SLC25A13: variants seen among roughly 807,000 people sequenced by gnomAD.
SLC25A13 encodes solute carrier family 25 member 13, also known as electrogenic aspartate/glutamate antiporter SLC25A13, mitochondrial.
In SLC25A13, 70 loss-of-function variants were observed where a neutral mutation model predicts 85.5. The observed-to-expected ratio is 0.82, with a 90% CI of 0.68 to 1.00. SLC25A13 has a LOEUF of 1.00. Among genes scored for constraint, SLC25A13 ranks in the 50% least tolerant of loss-of-function variants. The pLI is 0.00. For synonymous variants in SLC25A13, 259 were observed against 288.7 expected, an observed-to-expected ratio of 0.90 and a Z score of 1.04; for missense variants, 765 against 819.8, an observed-to-expected ratio of 0.93 and a Z score of 0.82.
intron 14 of SLC25A13, among the ~76,000 whole-genome samples, chr7:96,135,768 A>G (rs567249706): frequency 1.3e-5 from 2 of 152,164 alleles, no homozygotes; most frequent in Admixed American, 1.3e-4. Flanking sequence ...TGGCCATTTG[A>G]GAATTAATAA....
At chr7:96,209,994 T>C (rs1795627202) in intron 4 of SLC25A13, among the ~76,000 whole-genome samples, 1 of 152,220 alleles carries the variant, frequency 6.6e-6, no homozygotes, top group South Asian at 2.1e-4. Flanking sequence ...GAAAGTTATT[T>C]AGTCCTCTGA....
intron 2 of SLC25A13, among the ~76,000 whole-genome samples, chr7:96,284,165 A>AG (rs1798799158): frequency 6.6e-6 from 1 of 152,142 alleles, no homozygotes; most frequent in Non-Finnish European, 1.5e-5. Flanking sequence ...ATAGCAGGTA[A>AG]GGGAAAAAAC....
At chr7:96,203,259 G>A (rs781500004) in intron 5 of SLC25A13, among the ~76,000 whole-genome samples, 27 of 152,094 alleles carry the variant, frequency 1.8e-4, no homozygotes, top group Non-Finnish European at 3.5e-4. Flanking sequence ...TCGCAATTTA[G>A]GATGCTTATT....
intron 3 of SLC25A13, among the ~76,000 whole-genome samples, chr7:96,272,139 C>T (rs1457579397): frequency 3.3e-5 from 5 of 152,142 alleles, no homozygotes; most frequent in Admixed American, 6.6e-5. Context: ...CCGCCTGCCT[C>T]GGCATCCCAA....
intron 4 of SLC25A13, among the ~76,000 whole-genome samples, chr7:96,211,207 A>AG (rs1390583766): frequency 6.6e-6 from 1 of 152,196 alleles, no homozygotes; most frequent in African/African-American, 2.4e-5. Flanking sequence ...ACTTCTTACT[A>AG]GAGCTCACAT....
chr7:96,121,357 G>A lies in SLC25A13; in HGVS notation c.1862C>T (p.Pro621Leu). The change falls in exon 18 of 18, where the codon CCA becomes CTA. Residue 621 changes from proline to leucine, a missense_variant. Coordinates refer to ENST00000265631, the MANE Select transcript of SLC25A13 (RefSeq NM_014251.3). ...CAGGTTGATCCTGGATTTAGGAACT[G>A]GCTCTGATCCCATGGGTTTTCTAAA... is the stretch of plus-strand genomic sequence containing the variant. ...FGGVKPMGSEPVPKSRINLPA... is the reference protein window; with the variant it reads ...FGGVKPMGSELVPKSRINLPA... 1 of 1,614,172 alleles carries A rather than the reference G, an allele frequency of 6.2e-7. No individual in the cohort carries two copies. Among genetic ancestry groups the A allele is most frequent in the Non-Finnish European group, 8.5e-7 (1 of 1,180,028 alleles).
intron 4 of SLC25A13, among the ~76,000 whole-genome samples, chr7:96,210,673 A>C (rs963353146): frequency 7.9e-5 from 12 of 152,172 alleles, no homozygotes; most frequent in African/African-American, 2.7e-4. Flanking sequence ...TGTAGGAAGC[A>C]GGCCCAATAA....
chr7:96,163,555 A>G (rs908957277), intron 13 of SLC25A13, among the ~76,000 whole-genome samples: 2 of 152,244 alleles, frequency 1.3e-5, no homozygotes, highest in African/African-American at 4.8e-5. Context: ...ATTATTTGTT[A>G]TGCAGCAATA....
At chr7:96,124,217 G>A (rs926277347) in intron 15 of SLC25A13, among the ~76,000 whole-genome samples, 1 of 152,124 alleles carries the variant, frequency 6.6e-6, no homozygotes, top group Non-Finnish European at 1.5e-5. Flanking sequence ...ACAAGTCATC[G>A]TTAATTTTTA....
intron 14 of SLC25A13, among the ~76,000 whole-genome samples, chr7:96,136,093 C>T (rs1031543215): frequency 4.6e-5 from 7 of 152,094 alleles, no homozygotes; most frequent in Non-Finnish European, 7.4e-5. Flanking sequence ...GGTAGACCTA[C>T]GTTATAAACT....
At position 96,277,255 on chromosome 7, in the gene SLC25A13, G is replaced by A. The variant is rs1584551771; in HGVS notation, c.153C>T (p.Ser51=). The change falls in exon 3 of 18, where the codon AGC becomes AGT. Residue 51 remains serine, a synonymous_variant. Transcript: ENST00000265631. ...VTRYLNIFGE[S]QPNPKTVELL... is the part of the protein sequence containing the mutation. Reference sequence around the variant, plus strand: ...GTTCCACAGTCTTTGGATTAGGCTGGCTTTCTCCAAAAATGTTCAAGTATC... The same window carrying A: ...GTTCCACAGTCTTTGGATTAGGCTGACTTTCTCCAAAAATGTTCAAGTATC... The A allele has an allele frequency of 6.2e-7, 1 of 1,611,582 alleles. No homozygotes were observed. Among genetic ancestry groups the A allele is most frequent in the Non-Finnish European group, 8.5e-7 (1 of 1,178,816 alleles).
chr7:96,200,739 G>A (rs555490340), intron 5 of SLC25A13, among the ~76,000 whole-genome samples: 2 of 152,234 alleles, frequency 1.3e-5, no homozygotes, highest in Admixed American at 6.5e-5. Context: ...CTAATTTAAC[G>A]TTAAACTTCA....
intron 14 of SLC25A13, among the ~76,000 whole-genome samples, chr7:96,135,038 C>T (rs1431070389): frequency 6.6e-6 from 1 of 151,914 alleles, no homozygotes; most frequent in African/African-American, 2.4e-5. Flanking sequence ...ATCCTGTCAC[C>T]CCTAGCCATG....
chr7:96,319,285 ATGCCTGTAATCCC>A (rs930533211), intron 1 of SLC25A13, among the ~76,000 whole-genome samples: 6 of 152,288 alleles, frequency 3.9e-5, no homozygotes, highest in African/African-American at 1.4e-4. Flanking sequence ...GTGGTGGCTC[ATGCCTGTAATCCC>A]TGCATTTTGG....
Position 96,121,696 on chromosome 7 carries a change from G to T in SLC25A13, c.1800C>A (p.Tyr600Ter), listed in dbSNP as rs765919667. 4 of 1,614,116 alleles carry T rather than the reference G, an allele frequency of 2.5e-6. No individual in the cohort carries two copies. Among genetic ancestry groups the T allele is most frequent in the Non-Finnish European group, 3.4e-6 (4 of 1,180,014 alleles). ...SPQFGVTLLT[Y>*]ELLQRWFYID... ...TGTAGAACCATCGCTGTAGCAATTC[G>T]TAAGTCAGCAAAGTTACACCAAACT... The change falls in exon 17 of 18, where the codon TAC becomes TAA. Residue 600 changes from tyrosine to a stop codon, truncating the protein, a stop_gained. Coordinates refer to ENST00000265631, the MANE Select transcript of SLC25A13 (RefSeq NM_014251.3). LOFTEE classifies it high-confidence loss of function.
chr7:96,288,167 G>A (rs911027230), intron 2 of SLC25A13, among the ~76,000 whole-genome samples: 12 of 152,228 alleles, frequency 7.9e-5, no homozygotes, highest in African/African-American at 2.2e-4. Context: ...ATGGTGGCTC[G>A]TGCCTGTAAT....
At chr7:96,199,963 G>A (rs1486353276) in intron 5 of SLC25A13, among the ~76,000 whole-genome samples, 1 of 151,826 alleles carries the variant, frequency 6.6e-6, no homozygotes, top group Admixed American at 6.6e-5. Flanking sequence ...GCAAGTTTGT[G>A]CTTTAGCCTG....
At chr7:96,320,084 A>C (rs1800281503) in intron 1 of SLC25A13, among the ~76,000 whole-genome samples, 2 of 152,226 alleles carry the variant, frequency 1.3e-5, no homozygotes. Context: ...GGCTCACTGC[A>C]ATCTCCGCCT....
chr7:96,194,441 T>TAAA (rs1794979339), intron 5 of SLC25A13, among the ~76,000 whole-genome samples: 1 of 1,722 alleles, frequency 5.8e-4, no homozygotes, highest in African/African-American at 1.1e-3. Context: ...AAACCTTGTC[T>TAAA]CAAAAAAAAA....
Sources: gnomAD v4.1 joint callset for allele counts (sites outside exome capture counted in the v4.1 genomes callset) on GRCh38, gnomAD v4.1.1 for gene constraint, MANE v1.5 for transcripts, NCBI Gene and HGNC (gene_info 2026-07-23, HGNC 2026-07-21) for gene names.